Variants in ANKFY1 observed in about 807,000 individuals in gnomAD.
ANKFY1 encodes the protein ankyrin repeat and FYVE domain-containing protein 1.
A neutral mutation model predicts 128.3 loss-of-function variants in ANKFY1; 47 were observed. That is an observed-to-expected ratio of 0.37 (90% confidence interval 0.29 to 0.47). The LOEUF is 0.47. ANKFY1 is among the 20% of genes least tolerant of loss of function. The probability of loss-of-function intolerance (pLI) is 1.00; values close to 1 mark genes in which losing one functional copy is unlikely to be tolerated. For synonymous variants in ANKFY1, 553 were observed against 601.6 expected, an observed-to-expected ratio of 0.92 and a Z score of 1.18; for missense variants, 1,222 against 1,510.6, an observed-to-expected ratio of 0.81 and a Z score of 3.17.
rs191965692 is a variant in ANKFY1 at position 4,176,520 on chromosome 17, T to C, written c.2775+606A>G. Among the ~76,000 whole-genome samples the C allele has an allele frequency of 2.2e-4, 33 of 152,352 alleles. 1 individual carries two copies. The East Asian group carries it at 4.0e-3, about 19-fold the overall frequency. On this transcript the variant is annotated intron_variant, in intron 19 of 24. Coordinates refer to ENST00000341657, the MANE Select transcript of ANKFY1 (RefSeq NM_001330063.2). ...ATGTGACACCCCACGATCTGCTTTC[T>C]TCCTGCCCCTCTAACCACAGCTCTT...
At chr17:4,225,858 C>CT (rs1329491716) in intron 3 of ANKFY1, among the ~76,000 whole-genome samples, 21 of 152,148 alleles carry the variant, frequency 1.4e-4, no homozygotes, top group Non-Finnish European at 2.9e-5. Context: ...GCCTTGCAGG[C>CT]TAAGTGATCC....
chr17:4,209,996 C>G (rs1310569639), intron 4 of ANKFY1, 49 bp from the exon 5 acceptor site: 1 of 1,562,776 alleles, frequency 6.4e-7, no homozygotes, highest in Non-Finnish European at 8.8e-7. Context: ...AAATAATTCA[C>G]AAACGAACAA....
chr17:4,254,596 G>C (rs559860468), intron 1 of ANKFY1, among the ~76,000 whole-genome samples: 1 of 152,220 alleles, frequency 6.6e-6, no homozygotes, highest in South Asian at 2.1e-4. Context: ...ATAAGAACAC[G>C]TTTCTGTTGT....
intron 2 of ANKFY1, among the ~76,000 whole-genome samples, chr17:4,238,789 T>C (rs1005076749): frequency 6.7e-6 from 1 of 148,586 alleles, no homozygotes; most frequent in African/African-American, 2.5e-5. Flanking sequence ...AGACAGGGTC[T>C]CACTCCATCC....
rs149997500 is a variant in ANKFY1 at position 4,199,481 on chromosome 17, T to G, written c.899-1904A>C. ...TGCTGGGATTACAGGCATAAGCCAC[T>G]GTGTCTGGCCAAAATTCATTAATTT... is the stretch of plus-strand genomic sequence containing the variant. On this transcript the variant is annotated intron_variant, in intron 7 of 24. Transcript: ENST00000341657. Among the ~76,000 whole-genome samples, 33 of 152,316 alleles carry G rather than the reference T, an allele frequency of 2.2e-4. 1 individual carries two copies. The East Asian group carries it at 4.0e-3, about 19-fold the overall frequency.
At chr17:4,201,634 AC>A (rs1326324716) in intron 7 of ANKFY1, among the ~76,000 whole-genome samples, 1 of 152,202 alleles carries the variant, frequency 6.6e-6, no homozygotes, top group Non-Finnish European at 1.5e-5. Context: ...ACTTCAGGTA[AC>A]TTAACAATTT....
At chr17:4,263,790 G>C in intron 1 of ANKFY1, 142 bp downstream of exon 1, 1 of 1,593,128 alleles carries the variant, frequency 6.3e-7, no homozygotes, top group Non-Finnish European at 8.5e-7. Context: ...AAGCTCCGGA[G>C]AGGCTAGACA....
chr17:4,241,988 C>T (rs966169364), intron 2 of ANKFY1, among the ~76,000 whole-genome samples: 1 of 151,130 alleles, frequency 6.6e-6, no homozygotes, highest in Admixed American at 6.6e-5. Flanking sequence ...ACTCGGGAGG[C>T]TGAGGCAAGA....
In ANKFY1 at chr17:4,206,456, T is replaced by C; in HGVS notation, c.763A>G (p.Asn255Asp). ...GCTAGATCTAATGCCAGATCTCCGT[T>C]ATGATCCGCTTCATTCAGCTTCCCA... ...LPGKLNEADH[N>D]GDLALDLALS... Residue 255 changes from asparagine (N) to aspartate (D), a missense_variant, in exon 7 of 25, where the codon AAC (asparagine) becomes GAC (aspartate). Coordinates refer to ENST00000341657, the MANE Select transcript of ANKFY1 (RefSeq NM_001330063.2). 1 of 1,614,014 alleles carries C rather than the reference T, an allele frequency of 6.2e-7. No individual in the cohort carries two copies. Among genetic ancestry groups the C allele is most frequent in the Non-Finnish European group, 8.5e-7 (1 of 1,179,856 alleles).
In ANKFY1 at chr17:4,225,055, T is replaced by A. The variant is rs542404638; in HGVS notation, c.323-7937A>T. The stretch of plus-strand genomic sequence containing the variant: ...AAAATTAAAGGATTTGTTTTATATT[T>A]AAAAAAAAAAACTTTTTAGGCTGGG... On this transcript the variant is annotated intron_variant, in intron 3 of 24. Transcript: ENST00000341657. 2.0e-4 allele frequency among the ~76,000 whole-genome samples: 30 copies of A among 148,022 alleles called. 1 individual carries two copies. Among genetic ancestry groups the A allele is most frequent in the Middle Eastern group, 6.9e-3 (2 of 290 alleles).
rs572606909 is a variant in ANKFY1, at chr17:4,254,303, C to CAAA, written c.10+9626_10+9628dup. 4.5e-4 allele frequency among the ~76,000 whole-genome samples: 37 copies of CAAA among 81,922 alleles called. No homozygotes were observed. The East Asian group carries it at 5.0e-3, about 11-fold the overall frequency. The allele number at this position is 81,922 out of a possible 152,430, so 53.7% of individuals were successfully genotyped here. A position where few individuals can be genotyped will look rare whatever the true frequency, so the allele number is the denominator to read the frequency against. ...TGGACCACAGAGTGAGACTCCATCT[C>CAAA]AAAAAAAAAAAAAAAAAAAAAAAAA... is the stretch of plus-strand genomic sequence containing the variant. On this transcript the variant is annotated intron_variant, in intron 1 of 24. Coordinates refer to ENST00000341657, the MANE Select transcript of ANKFY1 (RefSeq NM_001330063.2).
At chr17:4,198,002 G>A (rs1460520919) in intron 7 of ANKFY1, among the ~76,000 whole-genome samples, 3 of 152,068 alleles carry the variant, frequency 2.0e-5, no homozygotes, top group African/African-American at 4.8e-5. Context: ...GGTGGTGCAC[G>A]CCTGTAATCC....
Position 4,172,632 on chromosome 17 carries a change from T to C in ANKFY1, c.3063A>G (p.Ala1021=). Residue 1021 remains alanine (A), a synonymous_variant, in exon 22 of 25, where the codon GCA becomes GCG. Coordinates refer to ENST00000341657, the MANE Select transcript of ANKFY1 (RefSeq NM_001330063.2). ...HILGQYGKEN[A]AAIFDLFLEC... is the part of the protein sequence containing the mutation. ...CTAGGAAGAGATCAAAGATGGCCGC[T>C]GCATTCTCCTTGCCATATTGTCCCA... 1.2e-6 allele frequency: 2 copies of C among 1,614,170 alleles called. No individual in the cohort carries two copies. Among genetic ancestry groups the C allele is most frequent in the Non-Finnish European group, 1.7e-6 (2 of 1,179,998 alleles).
chr17:4,180,150 G>T, intron 16 of ANKFY1: 2 of 412,924 alleles, frequency 4.8e-6, no homozygotes, highest in Non-Finnish European at 8.9e-6. Context: ...AGAACCAGCC[G>T]GATGCGGTGG....
intron 22 of ANKFY1, among the ~76,000 whole-genome samples, chr17:4,172,355 A>G (rs1457020101): frequency 2.6e-5 from 4 of 152,202 alleles, no homozygotes; most frequent in African/African-American, 9.7e-5. Flanking sequence ...TCAGAGCGCT[A>G]CATGCACTTG....
At chr17:4,208,570 T>C in intron 5 of ANKFY1, among the ~76,000 whole-genome samples, 1 of 152,238 alleles carries the variant, frequency 6.6e-6, no homozygotes, top group East Asian at 1.9e-4. Context: ...CAGATCTCTA[T>C]ATTTCTGCCT....
At chr17:4,223,932 G>T (rs774641380) in intron 3 of ANKFY1, 301 of 586,068 alleles carry the variant, frequency 5.1e-4, no homozygotes, top group Non-Finnish European at 7.9e-4. Flanking sequence ...CCAGAACACT[G>T]TGCCTCAGCA....
At position 4,209,900 on chromosome 17, in the gene ANKFY1, C is replaced by T. The variant is rs769991742; in HGVS notation, c.506G>A (p.Arg169His). The change falls in exon 5 of 25, where the codon CGC (arginine) becomes CAC (histidine). Residue 169 changes from arginine (R) to histidine (H), a missense_variant. Arg to His is a conservative substitution (Grantham distance 29). Transcript: ENST00000341657. ...MSLVNVRNCI[R>H]FYQTAEELNA... ...CAGCTCCTCTGCCGTCTGGTAGAAG[C>T]GAATACAGTTCCTGACATTCACTAG... The T allele has an allele frequency of 1.5e-5, 25 of 1,613,736 alleles. No individual in the cohort carries two copies. Among genetic ancestry groups the T allele is most frequent in the South Asian group, 5.5e-5 (5 of 91,056 alleles).
At chr17:4,243,090 CAG>C (rs1491102359) in intron 1 of ANKFY1, among the ~76,000 whole-genome samples, 16 of 152,084 alleles carry the variant, frequency 1.1e-4, no homozygotes, top group African/African-American at 3.6e-4. Flanking sequence ...TTGTTTGAGA[CAG>C]AGTCTTGCTC....
Sources: gnomAD v4.1 joint callset for allele counts (sites outside exome capture counted in the v4.1 genomes callset) on GRCh38, gnomAD v4.1.1 for gene constraint, MANE v1.5 for transcripts, NCBI Gene and HGNC (gene_info 2026-07-23, HGNC 2026-07-21) for gene names.